Variants in ABHD16B observed in about 807,000 individuals in gnomAD.
The protein encoded by ABHD16B is abhydrolase domain-containing protein 16B.
A neutral mutation model predicts 10.5 loss-of-function variants in ABHD16B; 14 were observed. The observed-to-expected ratio is 1.33, with a 90% CI of 0.88 to 2.08. The LOEUF is 2.08. ABHD16B is among the 30% of genes most tolerant of loss of function. The pLI, the probability that ABHD16B is intolerant of heterozygous loss-of-function variation, is 0.00. For missense variants in ABHD16B, 763 were observed against 717.4 expected, an observed-to-expected ratio of 1.06 and a Z score of -0.73; for synonymous variants, 374 against 337.9, an observed-to-expected ratio of 1.11 and a Z score of -1.17.
Position 63,861,506 on chromosome 20 carries a change from C to T in ABHD16B, c.-35C>T. 3.3e-6 allele frequency: 5 copies of T among 1,535,096 alleles called. No individual in the cohort carries two copies. The highest frequency in any genetic ancestry group is 4.4e-6 in the Non-Finnish European group (5 of 1,144,320). Reference sequence around the variant, plus strand: ...ACTGCCCTGTGCCTCTCGCGGCGATCCCGGCCCAGCGGCTGGGCGTTAGGG... The same window carrying T: ...ACTGCCCTGTGCCTCTCGCGGCGATTCCGGCCCAGCGGCTGGGCGTTAGGG... On this transcript the variant is annotated 5_prime_UTR_variant, in exon 1 of 1. Coordinates refer to ENST00000369916, the MANE Select transcript of ABHD16B (RefSeq NM_080622.4). The surrounding 1 kb of genome is among the most constrained non-coding windows in gnomAD (Gnocchi z 5.4).
rs2052103723 is a variant in ABHD16B at position 63,862,743 on chromosome 20, C to T, written c.1203C>T (p.Tyr401=). ...EDWCLALLRS[Y]RARCEEELEG... Reference sequence around the variant, plus strand: ...GGTGCCTGGCGCTGCTGCGCTCCTACCGTGCACGCTGCGAAGAGGAGCTGG... The same window carrying T: ...GGTGCCTGGCGCTGCTGCGCTCCTATCGTGCACGCTGCGAAGAGGAGCTGG... The change falls in exon 1 of 1, where the codon TAC becomes TAT. Residue 401 remains tyrosine (Y), a synonymous_variant. Coordinates refer to ENST00000369916, the MANE Select transcript of ABHD16B (RefSeq NM_080622.4). This position sits in a 1 kb window ranked among gnomAD's most constrained non-coding sequence, Gnocchi z 7.5. 6.5e-7 allele frequency: 1 copy of T among 1,529,716 alleles called. No homozygotes were observed. The allele number at this position is 1,529,716 out of a possible 1,614,324, so 94.8% of individuals were successfully genotyped here.
At position 63,862,347 on chromosome 20, in the gene ABHD16B, C is replaced by G. The variant is rs576219665; in HGVS notation, c.807C>G (p.Asp269Glu). 35 of 1,612,026 alleles carry G rather than the reference C, an allele frequency of 2.2e-5. No individual in the cohort carries two copies. The Admixed American group carries it at 3.8e-4, about 18-fold the overall frequency. The change falls in exon 1 of 1, where the codon GAC becomes GAG. Residue 269 changes from aspartate (D) to glutamate (E), a missense_variant. Transcript: ENST00000369916. This position sits in a 1 kb window ranked among gnomAD's most constrained non-coding sequence, Gnocchi z 7.5. ...CGGAGCTGGGTGCACTGGTGCTGGA[C>G]GCCACCTTCGACGACCTTGTGCCGC... Reference protein sequence around the residue: ...TYPELGALVLDATFDDLVPLA... With the variant: ...TYPELGALVLEATFDDLVPLA...
chr20:63,861,553 T>C lies in ABHD16B; in HGVS notation c.13T>C (p.Cys5Arg). 6.4e-7 allele frequency: 1 copy of C among 1,554,616 alleles called. No homozygotes were observed. The highest frequency in any genetic ancestry group is 8.7e-7 in the Non-Finnish European group (1 of 1,152,244). MCVI[C>R]FVKALVRVFK... The stretch of plus-strand genomic sequence containing the variant: ...AGGGCCACCGCTCATGTGCGTCATC[T>C]GCTTCGTGAAGGCGCTGGTGCGCGT... The change falls in exon 1 of 1, where the codon TGC becomes CGC. Residue 5 changes from cysteine to arginine, a missense_variant. Physicochemically the swap from Cys to Arg is radical, Grantham distance 180. Coordinates refer to ENST00000369916, the MANE Select transcript of ABHD16B (RefSeq NM_080622.4). This position sits in a 1 kb window ranked among gnomAD's most constrained non-coding sequence, Gnocchi z 5.4.
Position 63,862,537 on chromosome 20 carries a change from C to A in ABHD16B, c.997C>A (p.Pro333Thr). ...GGTCAGCACTTCGGGCCGCCTGCGC[C>A]CCCTGTCACCTGGTGACGTGGAGGG... ...DVVSTSGRLR[P>T]LSPGDVEGNR... Residue 333 changes from proline to threonine, a missense_variant, in exon 1 of 1, where the codon CCC (proline) becomes ACC (threonine). Physicochemically the swap from Pro to Thr is conservative, Grantham distance 38 (BLOSUM62 -1). Transcript: ENST00000369916. The surrounding 1 kb of genome is among the most constrained non-coding windows in gnomAD (Gnocchi z 7.5). 6.4e-7 allele frequency: 1 copy of A among 1,570,952 alleles called. No homozygotes were observed. Among genetic ancestry groups the A allele is most frequent in the East Asian group, 2.3e-5 (1 of 43,324 alleles).
Position 63,862,697 on chromosome 20 carries a change from G to GCTAC in ABHD16B, c.1159_1162dup (p.Arg388LeufsTer75). 1 of 1,533,702 alleles carries GCTAC rather than the reference G, an allele frequency of 6.5e-7. No homozygotes were observed. Among genetic ancestry groups the GCTAC allele is most frequent in the Non-Finnish European group, 8.7e-7 (1 of 1,144,414 alleles). On this transcript the variant is annotated frameshift_variant, in exon 1 of 1. Coordinates refer to ENST00000369916, the MANE Select transcript of ABHD16B (RefSeq NM_080622.4). LOFTEE classifies it low-confidence loss of function (END_TRUNC). The surrounding 1 kb of genome is among the most constrained non-coding windows in gnomAD (Gnocchi z 7.5). ...GCGCAGGAGGCCGCCTTCTATGCACGCTACCGCGTGGACGAGGACTGGTGC... is the reference window on the plus strand; with the variant it reads ...GCGCAGGAGGCCGCCTTCTATGCACGCTACCTACCGCGTGGACGAGGACTGGTGC...
Position 63,862,638 on chromosome 20 carries a change from C to T in ABHD16B, c.1098C>T (p.Ala366=), listed in dbSNP as rs1568929123. 1 of 1,539,264 alleles carries T rather than the reference C, an allele frequency of 6.5e-7. No individual in the cohort carries two copies. Among genetic ancestry groups the T allele is most frequent in the Non-Finnish European group, 8.7e-7 (1 of 1,147,492 alleles). Residue 366 remains alanine, a synonymous_variant, in exon 1 of 1, where the codon GCC becomes GCT. Transcript: ENST00000369916. The surrounding 1 kb of genome is among the most constrained non-coding windows in gnomAD (Gnocchi z 7.5). ...YPVVMAREGR[A]VVTRWLRAGS... ...TCGTGATGGCGCGAGAGGGCCGCGC[C>T]GTCGTCACCCGCTGGCTGCGCGCTG... is the stretch of plus-strand genomic sequence containing the variant.
rs3215630 is a variant in ABHD16B at position 63,862,540 on chromosome 20, CT to C, written c.1001del (p.Leu334ArgfsTer26). 2.5e-6 allele frequency: 4 copies of C among 1,571,294 alleles called. No individual in the cohort carries two copies. Among genetic ancestry groups the C allele is most frequent in the East Asian group, 2.3e-5 (1 of 43,352 alleles). On this transcript the variant is annotated frameshift_variant, in exon 1 of 1. Transcript: ENST00000369916. LOFTEE classifies it low-confidence loss of function (END_TRUNC). The surrounding 1 kb of genome is among the most constrained non-coding windows in gnomAD (Gnocchi z 7.5). ...CAGCACTTCGGGCCGCCTGCGCCCC[CT>C]GTCACCTGGTGACGTGGAGGGCAAC... ...VVSTSGRLRP[L>X]SPGDVEGNRG... is the part of the protein sequence containing the mutation.
rs908615249 is a variant in ABHD16B at position 63,862,702 on chromosome 20, C to T, written c.1162C>T (p.Arg388Cys). The change falls in exon 1 of 1, where the codon CGC becomes TGC. Residue 388 changes from arginine to cysteine, a missense_variant. Physicochemically the swap from Arg to Cys is radical, Grantham distance 180. Coordinates refer to ENST00000369916, the MANE Select transcript of ABHD16B (RefSeq NM_080622.4). The surrounding 1 kb of genome is among the most constrained non-coding windows in gnomAD (Gnocchi z 7.5). ...AQEAAFYARY[R>C]VDEDWCLALL... ...GGAGGCCGCCTTCTATGCACGCTAC[C>T]GCGTGGACGAGGACTGGTGCCTGGC... 6.0e-5 allele frequency: 92 copies of T among 1,533,476 alleles called. No individual in the cohort carries two copies. The highest frequency in any genetic ancestry group is 7.8e-5 in the Non-Finnish European group (89 of 1,144,342). 95.0% of individuals were successfully genotyped at this position (1,533,476 alleles called of 1,614,324 possible).
rs766621180 is a variant in ABHD16B, at chr20:63,861,788, C to T, written c.248C>T (p.Ala83Val). 1.4e-6 allele frequency: 2 copies of T among 1,462,540 alleles called. No individual in the cohort carries two copies. Among genetic ancestry groups the T allele is most frequent in the Non-Finnish European group, 1.8e-6 (2 of 1,114,806 alleles). The allele number at this position is 1,462,540 out of a possible 1,614,324, so 90.6% of individuals were successfully genotyped here. A position where few individuals can be genotyped will look rare whatever the true frequency, so the allele number is the denominator to read the frequency against. ...GRPPRGARSQ[A>V]QCLLQQLREL... ...CCTCCACGTGGGGCGCGCAGCCAGG[C>T]GCAGTGCCTCTTGCAGCAGCTCCGC... The change falls in exon 1 of 1, where the codon GCG (alanine) becomes GTG (valine). Residue 83 changes from alanine to valine, a missense_variant. Coordinates refer to ENST00000369916, the MANE Select transcript of ABHD16B (RefSeq NM_080622.4). This position sits in a 1 kb window ranked among gnomAD's most constrained non-coding sequence, Gnocchi z 5.4.
chr20:63,861,948 G>A lies in ABHD16B; in HGVS notation c.408G>A (p.Glu136=). The A allele has an allele frequency of 6.3e-7, 1 of 1,597,376 alleles. No homozygotes were observed. Among genetic ancestry groups the A allele is most frequent in the Non-Finnish European group, 8.5e-7 (1 of 1,178,092 alleles). The change falls in exon 1 of 1, where the codon GAG becomes GAA. Residue 136 remains glutamate (E), a synonymous_variant. Coordinates refer to ENST00000369916, the MANE Select transcript of ABHD16B (RefSeq NM_080622.4). This position sits in a 1 kb window ranked among gnomAD's most constrained non-coding sequence, Gnocchi z 5.4. ...LLQQGQERLV[E]RYHGRRAKLV... ...AGCAGGGCCAAGAGCGCCTCGTGGA[G>A]CGCTACCACGGCCGGCGCGCCAAGC... is the stretch of plus-strand genomic sequence containing the variant.
At position 63,862,187 on chromosome 20, in the gene ABHD16B, C is replaced by T. The variant is rs1319023576; in HGVS notation, c.647C>T (p.Pro216Leu). 7 of 1,611,278 alleles carry T rather than the reference C, an allele frequency of 4.3e-6. No homozygotes were observed. In the East Asian group the frequency reaches 6.7e-5, roughly 15 times the overall value. Reference sequence around the variant, plus strand: ...GGCAGCAGCACTGGCGTGCCCTTCCCTCAGCACGACGCCAACGCCATGGAC... The same window carrying T: ...GGCAGCAGCACTGGCGTGCCCTTCCTTCAGCACGACGCCAACGCCATGGAC... ...GFGSSTGVPF[P>L]QHDANAMDVV... Residue 216 changes from proline (P) to leucine (L), a missense_variant, in exon 1 of 1, where the codon CCT becomes CTT. Coordinates refer to ENST00000369916, the MANE Select transcript of ABHD16B (RefSeq NM_080622.4). This position sits in a 1 kb window ranked among gnomAD's most constrained non-coding sequence, Gnocchi z 7.5.
chr20:63,862,745 G>C lies in ABHD16B; in HGVS notation c.1205G>C (p.Arg402Pro). The change falls in exon 1 of 1, where the codon CGT becomes CCT. Residue 402 changes from arginine (R) to proline (P), a missense_variant. Physicochemically the swap from Arg to Pro is moderately radical, Grantham distance 103. Transcript: ENST00000369916. This position sits in a 1 kb window ranked among gnomAD's most constrained non-coding sequence, Gnocchi z 7.5. ...DWCLALLRSY[R>P]ARCEEELEGE... is the part of the protein sequence containing the mutation. ...TGCCTGGCGCTGCTGCGCTCCTACC[G>C]TGCACGCTGCGAAGAGGAGCTGGAG... 7 of 1,529,734 alleles carry C rather than the reference G, an allele frequency of 4.6e-6. No homozygotes were observed. The highest frequency in any genetic ancestry group is 6.1e-6 in the Non-Finnish European group (7 of 1,141,562). 94.8% of individuals were successfully genotyped at this position (1,529,734 alleles called of 1,614,324 possible). A position where few individuals can be genotyped will look rare whatever the true frequency, so the allele number is the denominator to read the frequency against.
Position 63,862,571 on chromosome 20 carries a change from G to T in ABHD16B, c.1031G>T (p.Gly344Val). The part of the protein sequence containing the change: ...LSPGDVEGNR[G>V]NELLLRLLEH... ...CCTGGTGACGTGGAGGGCAACCGGG[G>T]CAATGAGCTGCTGCTGCGCCTGCTG... is the stretch of plus-strand genomic sequence containing the variant. Residue 344 changes from glycine to valine, a missense_variant, in exon 1 of 1, where the codon GGC (glycine) becomes GTC (valine). By Grantham distance (109) the Gly-to-Val change is moderately radical. Transcript: ENST00000369916. The surrounding 1 kb of genome is among the most constrained non-coding windows in gnomAD (Gnocchi z 7.5). 6.4e-7 allele frequency: 1 copy of T among 1,567,826 alleles called. No homozygotes were observed.
At position 63,861,667 on chromosome 20, in the gene ABHD16B, C is replaced by A. The variant is rs370049220; in HGVS notation, c.127C>A (p.Arg43=). 3.9e-6 allele frequency: 6 copies of A among 1,536,868 alleles called. No homozygotes were observed. The change falls in exon 1 of 1, where the codon CGG becomes AGG. Residue 43 remains arginine (R), a synonymous_variant. Transcript: ENST00000369916. This position sits in a 1 kb window ranked among gnomAD's most constrained non-coding sequence, Gnocchi z 5.4. ...CTGGGATGACGTGCGCGCCGTGGGC[C>A]GGAGCAGCAGCCACCGGGCGCTGAC... is the stretch of plus-strand genomic sequence containing the variant. The part of the protein sequence containing the change: ...FRWDDVRAVG[R]SSSHRALTCA...
In ABHD16B at chr20:63,862,753, T is replaced by A; in HGVS notation, c.1213T>A (p.Cys405Ser). The A allele has an allele frequency of 6.5e-7, 1 of 1,529,098 alleles. No individual in the cohort carries two copies. Among genetic ancestry groups the A allele is most frequent in the Non-Finnish European group, 8.8e-7 (1 of 1,141,032 alleles). The allele number at this position is 1,529,098 out of a possible 1,614,324, so 94.7% of individuals were successfully genotyped here. A position where few individuals can be genotyped will look rare whatever the true frequency, so the allele number is the denominator to read the frequency against. ...LALLRSYRAR[C>S]EEELEGEEAL... ...GCTGCTGCGCTCCTACCGTGCACGC[T>A]GCGAAGAGGAGCTGGAGGGCGAGGA... Residue 405 changes from cysteine to serine, a missense_variant, in exon 1 of 1, where the codon TGC becomes AGC. Coordinates refer to ENST00000369916, the MANE Select transcript of ABHD16B (RefSeq NM_080622.4). This position sits in a 1 kb window ranked among gnomAD's most constrained non-coding sequence, Gnocchi z 7.5.
In ABHD16B at chr20:63,862,214, T is replaced by G. The variant is rs1367335139; in HGVS notation, c.674T>G (p.Val225Gly). 2.5e-5 allele frequency: 41 copies of G among 1,611,336 alleles called. No individual in the cohort carries two copies. Among genetic ancestry groups the G allele is most frequent in the Non-Finnish European group, 3.3e-5 (39 of 1,179,628 alleles). ...FPQHDANAMDVVVEYALHRLH... is the reference protein window; with the variant it reads ...FPQHDANAMDGVVEYALHRLH... The stretch of plus-strand genomic sequence containing the variant: ...CAGCACGACGCCAACGCCATGGACG[T>G]GGTGGTCGAGTACGCACTGCACCGC... The change falls in exon 1 of 1, where the codon GTG becomes GGG. Residue 225 changes from valine to glycine, a missense_variant. Transcript: ENST00000369916. The surrounding 1 kb of genome is among the most constrained non-coding windows in gnomAD (Gnocchi z 7.5).
rs1375774799 is a variant in ABHD16B at position 63,862,228 on chromosome 20, G to A, written c.688G>A (p.Ala230Thr). ...ANAMDVVVEY[A>T]LHRLHFPPAH... ...CGCCATGGACGTGGTGGTCGAGTACGCACTGCACCGCCTGCACTTCCCGCC... is the reference window on the plus strand; with the variant it reads ...CGCCATGGACGTGGTGGTCGAGTACACACTGCACCGCCTGCACTTCCCGCC... Residue 230 changes from alanine (A) to threonine (T), a missense_variant, in exon 1 of 1, where the codon GCA becomes ACA. Ala to Thr is a moderately conservative substitution (Grantham distance 58). Transcript: ENST00000369916. This position sits in a 1 kb window ranked among gnomAD's most constrained non-coding sequence, Gnocchi z 7.5. The A allele has an allele frequency of 2.5e-6, 4 of 1,611,464 alleles. No homozygotes were observed. The highest frequency in any genetic ancestry group is 3.4e-6 in the Non-Finnish European group (4 of 1,179,718).
In ABHD16B at chr20:63,861,845, T is replaced by TGGCCAGCTCGCTAGCTACGCGCC; in HGVS notation, c.309_310insAGCTCGCTAGCTACGCGCCGGCC (p.His104SerfsTer23). 6.5e-7 allele frequency: 1 copy of TGGCCAGCTCGCTAGCTACGCGCC among 1,549,376 alleles called. No homozygotes were observed. Among genetic ancestry groups the TGGCCAGCTCGCTAGCTACGCGCC allele is most frequent in the Non-Finnish European group, 8.7e-7 (1 of 1,154,234 alleles). On this transcript the variant is annotated frameshift_variant, in exon 1 of 1. Transcript: ENST00000369916. LOFTEE classifies it high-confidence loss of function. The surrounding 1 kb of genome is among the most constrained non-coding windows in gnomAD (Gnocchi z 5.4). ...CCCGGCCAGCTCGCTAGCTACGCGC[T>TGGCCAGCTCGCTAGCTACGCGCC]GGCCCACTCGCTGGGCCGCTGGCTC...
Position 63,862,840 on chromosome 20 carries a change from C to G in ABHD16B, c.1300C>G (p.Arg434Gly). The G allele has an allele frequency of 6.5e-7, 1 of 1,535,128 alleles. No homozygotes were observed. The change falls in exon 1 of 1, where the codon CGG (arginine) becomes GGG (glycine). Residue 434 changes from arginine (R) to glycine (G), a missense_variant. Physicochemically the swap from Arg to Gly is moderately radical, Grantham distance 125. Transcript: ENST00000369916. This position sits in a 1 kb window ranked among gnomAD's most constrained non-coding sequence, Gnocchi z 7.5. ...GGTGGGCCAGGGCCTGAGCTCGCGG[C>G]GGCGCCGGCGCCTCGCACTGTTCCT... Reference protein sequence around the residue: ...WLVGQGLSSRRRRRLALFLAR... With the variant: ...WLVGQGLSSRGRRRLALFLAR...
Sources: gnomAD v4.1 joint callset for allele counts on GRCh38, gnomAD v4.1.1 for gene constraint, Gnocchi (gnomAD v3.1) non-coding constraint, MANE v1.5 for transcripts, NCBI Gene and HGNC (gene_info 2026-07-23, HGNC 2026-07-21) for gene names.